The following ZNF260 variants were observed in gnomAD, a reference collection of about 807,000 sequenced individuals.
ZNF260 encodes the protein zfp-260.
ZNF260 carries 21 observed loss-of-function variants against 29.3 expected under a neutral mutation model. That is an observed-to-expected ratio of 0.72 (90% CI 0.51 to 1.03). The LOEUF is 1.03. ZNF260 is among the 50% of genes least tolerant of loss of function. The pLI, the probability that ZNF260 is intolerant of heterozygous loss-of-function variation, is 0.00. For missense variants in ZNF260, 465 were observed against 487.8 expected (o/e 0.95, Z 0.44); for synonymous variants, 156 against 156.8 (o/e 0.99, Z 0.04).
At position 36,514,203 on chromosome 19, in the gene ZNF260, A is replaced by G; in HGVS notation, c.1036T>C (p.Ser346Pro). The G allele has an allele frequency of 6.2e-7, 1 of 1,613,964 alleles. No homozygotes were observed. Among genetic ancestry groups the G allele is most frequent in the Non-Finnish European group, 8.5e-7 (1 of 1,179,960 alleles). ...TGGCTTCTCATATGCACAGTAAGAGATGAGCTTTGACAGAAGGCTTTCCCA... is the reference window on the plus strand; with the variant it reads ...TGGCTTCTCATATGCACAGTAAGAGGTGAGCTTTGACAGAAGGCTTTCCCA... ...VCGKAFCQSS[S>P]LTVHMRSHTG... The change falls in exon 3 of 3, where the codon TCT becomes CCT. Residue 346 changes from serine (S) to proline (P), a missense_variant. Physicochemically the swap from Ser to Pro is moderately conservative, Grantham distance 74. Transcript: ENST00000523638.
At chr19:36,519,747 C>A (rs868767070) in intron 2 of ZNF260, among the ~76,000 whole-genome samples, 1 of 152,052 alleles carries the variant, frequency 6.6e-6, no homozygotes, top group African/African-American at 2.4e-5. Context: ...AAAAACAAAA[C>A]CTTTCACTTG....
At position 36,514,499 on chromosome 19, in the gene ZNF260, G is replaced by A. The variant is rs2034508897; in HGVS notation, c.740C>T (p.Pro247Leu). Residue 247 changes from proline to leucine, a missense_variant, in exon 3 of 3, where the codon CCT (proline) becomes CTT (leucine). By Grantham distance (98) the Pro-to-Leu change is moderately conservative. Coordinates refer to ENST00000523638, the MANE Select transcript of ZNF260 (RefSeq NM_001166037.2). ...RHQRSHTGEK[P>L]YTCKECGKAF... ...TTTCCCACATTCCTTACACGTATAA[G>A]GTTTCTCTCCTGTGTGACTTCTCTG... The A allele has an allele frequency of 6.2e-7, 1 of 1,614,082 alleles. No homozygotes were observed. The highest frequency in any genetic ancestry group is 8.5e-7 in the Non-Finnish European group (1 of 1,180,000).
rs1568550582 is a variant in ZNF260, at chr19:36,515,067, T to C, written c.172A>G (p.Thr58Ala). 1 of 1,614,168 alleles carries C rather than the reference T, an allele frequency of 6.2e-7. No homozygotes were observed. Among genetic ancestry groups the C allele is most frequent in the Non-Finnish European group, 8.5e-7 (1 of 1,180,020 alleles). ...CGAGAGCACACTTTACCACATTCAG[T>C]GCATTCATGAGATTTCTCTCCAGTA... ...MHTGEKSHEC[T>A]ECGKVCSRVS... The change falls in exon 3 of 3, where the codon ACT (threonine) becomes GCT (alanine). Residue 58 changes from threonine to alanine, a missense_variant. Thr to Ala is a moderately conservative substitution (Grantham distance 58). Coordinates refer to ENST00000523638, the MANE Select transcript of ZNF260 (RefSeq NM_001166037.2).
At chr19:36,519,444 G>C (rs2034605165) in intron 2 of ZNF260, among the ~76,000 whole-genome samples, 1 of 151,998 alleles carries the variant, frequency 6.6e-6, no homozygotes. Context: ...AACATACTGG[G>C]GGTAACATTT....
chr19:36,519,577 A>G (rs2034607532), intron 2 of ZNF260, among the ~76,000 whole-genome samples: 1 of 152,220 alleles, frequency 6.6e-6, no homozygotes, highest in South Asian at 2.1e-4. Flanking sequence ...TAATCAGTTT[A>G]TCCTATATCT....
intron 2 of ZNF260, among the ~76,000 whole-genome samples, chr19:36,516,740 T>A (rs1001877973): frequency 6.6e-6 from 1 of 152,126 alleles, no homozygotes; most frequent in African/African-American, 2.4e-5. Flanking sequence ...CACCATGCCC[T>A]GCCAATTTTT....
intron 2 of ZNF260, among the ~76,000 whole-genome samples, chr19:36,523,743 A>C (rs2034683621): frequency 6.6e-6 from 1 of 151,608 alleles, no homozygotes; most frequent in Non-Finnish European, 1.5e-5. Flanking sequence ...TCGCCAGGCT[A>C]ATTTTTGTAT....
intron 2 of ZNF260, among the ~76,000 whole-genome samples, chr19:36,520,198 C>CAAAAAAAAAAAAAAA (rs11327751): frequency 1.1e-5 from 1 of 89,676 alleles, no homozygotes; most frequent in Non-Finnish European, 2.4e-5. Flanking sequence ...GACTCTGTCT[C>CAAAAAAAAAAAAAAA]AAAAAAAAAA....
chr19:36,520,546 C>T (rs531473423), intron 2 of ZNF260, among the ~76,000 whole-genome samples: 2 of 152,138 alleles, frequency 1.3e-5, no homozygotes, highest in Admixed American at 1.3e-4. Flanking sequence ...CGCCTGTAAT[C>T]CCAGAACTTT....
intron 2 of ZNF260, among the ~76,000 whole-genome samples, chr19:36,520,293 G>T (rs2034622108): frequency 6.6e-6 from 1 of 151,398 alleles, no homozygotes; most frequent in African/African-American, 2.4e-5. Flanking sequence ...AACAGAAAAA[G>T]AGAAATAATA....
chr19:36,519,071 C>T (rs1273225632), intron 2 of ZNF260, among the ~76,000 whole-genome samples: 1 of 151,836 alleles, frequency 6.6e-6, no homozygotes, highest in Non-Finnish European at 1.5e-5. Flanking sequence ...AACATTTATC[C>T]TATAAAAGGA....
chr19:36,512,200 C>T lies in ZNF260; in HGVS notation c.*1800G>A, dbSNP rs1431719745. 4 of 151,766 alleles carry T rather than the reference C, an allele frequency of 2.6e-5. No homozygotes were observed. Among genetic ancestry groups the T allele is most frequent in the Non-Finnish European group, 4.4e-5 (3 of 67,936 alleles). The allele number at this position is 151,766 out of a possible 1,614,324, so 9.4% of individuals were successfully genotyped here. On this transcript the variant is annotated 3_prime_UTR_variant, in exon 3 of 3. Transcript: ENST00000523638. Reference sequence around the variant, plus strand: ...AGTTATTTTAATTGAATTTAAGTTGCCACCCCAATTAAAAATTATTTCATA... The same window carrying T: ...AGTTATTTTAATTGAATTTAAGTTGTCACCCCAATTAAAAATTATTTCATA...
At chr19:36,525,413 G>A (rs1030163073) in intron 1 of ZNF260, 40 bp from the exon 2 acceptor site, 1 of 152,194 alleles carries the variant, frequency 6.6e-6, no homozygotes, top group Non-Finnish European at 1.5e-5. Flanking sequence ...CTTTGGCTTT[G>A]ACCTACATGT....
intron 1 of ZNF260, among the ~76,000 whole-genome samples, chr19:36,527,118 G>C (rs1008874333): frequency 6.6e-6 from 1 of 152,164 alleles, no homozygotes; most frequent in Non-Finnish European, 1.5e-5. Context: ...AGGAGCTCAG[G>C]ACAAGCCTCC....
chr19:36,526,011 A>G (rs914983527), intron 1 of ZNF260, among the ~76,000 whole-genome samples: 2 of 152,180 alleles, frequency 1.3e-5, no homozygotes, highest in East Asian at 1.9e-4. Context: ...CACTTTTCTC[A>G]TAAGTCTGAA....
chr19:36,518,539 T>C (rs1192481157), intron 2 of ZNF260, among the ~76,000 whole-genome samples: 1 of 151,760 alleles, frequency 6.6e-6, no homozygotes, highest in South Asian at 2.1e-4. Context: ...TCTCCTAGAA[T>C]AAAAAAAGGA....
At chr19:36,523,574 T>TTTA (rs2034680027) in intron 2 of ZNF260, among the ~76,000 whole-genome samples, 1 of 151,062 alleles carries the variant, frequency 6.6e-6, no homozygotes. Flanking sequence ...AATAGTATTA[T>TTTA]TTCTTTTTTT....
chr19:36,518,585 T>C (rs974415208), intron 2 of ZNF260, among the ~76,000 whole-genome samples: 2 of 151,902 alleles, frequency 1.3e-5, no homozygotes, highest in Non-Finnish European at 2.9e-5. Context: ...AGTGTAATGG[T>C]TGGAACATTT....
intron 2 of ZNF260, among the ~76,000 whole-genome samples, chr19:36,519,152 G>A (rs899976525): frequency 2.6e-5 from 4 of 152,276 alleles, no homozygotes; most frequent in African/African-American, 9.6e-5. Flanking sequence ...CTAACCATAA[G>A]TTACTTCCAA....
Sources: allele counts gnomAD v4.1 joint callset (sites outside exome capture counted in the v4.1 genomes callset), GRCh38; gene constraint gnomAD v4.1.1; transcripts MANE v1.5; gene names NCBI Gene and HGNC (gene_info 2026-07-23, HGNC 2026-07-21).